Variants in TRPC3 observed in about 807,000 individuals in gnomAD.
TRPC3 encodes short transient receptor potential channel 3.
Under a neutral mutation model 90.9 loss-of-function variants are expected in TRPC3, and 54 were observed. The observed-to-expected ratio is 0.59, with a 90% confidence interval of 0.48 to 0.75. TRPC3 has a LOEUF of 0.75. Among genes scored for constraint, TRPC3 ranks in the 30% least tolerant of loss-of-function variants. The pLI is 0.00. For missense variants in TRPC3, 918 were observed against 1,194.5 expected (o/e 0.77, Z 3.41); for synonymous variants, 424 against 450.9 (o/e 0.94, Z 0.75).
rs1342941398 is a variant in TRPC3 at position 121,951,742 on chromosome 4, G to T, written c.-62C>A. On this transcript the variant is annotated 5_prime_UTR_variant, in exon 1 of 12. It adds an upstream start codon to the 5' untranslated region. Transcript: ENST00000379645. This position sits in a 1 kb window ranked among gnomAD's most constrained non-coding sequence, Gnocchi z 4.4. ...GCCGGCCTCCTCCGCCTTCGCGGCA[G>T]TGCAGTCTTCCCGCGGCGCCCCTTC... 78 of 1,248,876 alleles carry T rather than the reference G, an allele frequency of 6.2e-5. No individual in the cohort carries two copies. Among genetic ancestry groups the T allele is most frequent in the Non-Finnish European group, 7.9e-5 (77 of 977,722 alleles). The allele number at this position is 1,248,876 out of a possible 1,614,324, so 77.4% of individuals were successfully genotyped here.
intron 1 of TRPC3, among the ~76,000 whole-genome samples, chr4:121,945,157 C>T (rs941065214): frequency 6.6e-6 from 1 of 152,202 alleles, no homozygotes; most frequent in Non-Finnish European, 1.5e-5. Context: ...TTACTATCTA[C>T]TCCATGTGCT....
chr4:121,935,299 C>CCAAA (rs1560715569), intron 1 of TRPC3, among the ~76,000 whole-genome samples: 11 of 151,618 alleles, frequency 7.3e-5, no homozygotes, highest in African/African-American at 2.7e-4. Context: ...AATAAATGTG[C>CCAAA]TGTGTTTGGC....
chr4:121,901,478 T>C (rs1728695791), intron 9 of TRPC3, among the ~76,000 whole-genome samples: 1 of 152,240 alleles, frequency 6.6e-6, no homozygotes, highest in Non-Finnish European at 1.5e-5. Flanking sequence ...GGTCAGTTAA[T>C]GTGACCTTGC....
chr4:121,917,723 G>C lies in TRPC3; in HGVS notation c.1177-2779C>G, dbSNP rs568430223. ...ATATTTGGAGGATCTGCATTTGTGG[G>C]AAGTTAGACAGATATAAATAAAAGG... On this transcript the variant is annotated intron_variant, in intron 3 of 11. Coordinates refer to ENST00000379645, the MANE Select transcript of TRPC3 (RefSeq NM_001130698.2). 4.6e-5 allele frequency among the ~76,000 whole-genome samples: 7 copies of C among 152,202 alleles called. No individual in the cohort carries two copies. In the South Asian group the frequency reaches 1.2e-3, roughly 27 times the overall value.
intron 3 of TRPC3, among the ~76,000 whole-genome samples, chr4:121,921,113 G>T (rs541686920): frequency 6.6e-6 from 1 of 152,120 alleles, no homozygotes; most frequent in Non-Finnish European, 1.5e-5. Context: ...TAAGGCCTGT[G>T]TTGAACTCAT....
At chr4:121,944,416 G>A (rs976213410) in intron 1 of TRPC3, among the ~76,000 whole-genome samples, 2 of 138,044 alleles carry the variant, frequency 1.4e-5, no homozygotes, top group East Asian at 2.4e-4. Flanking sequence ...ACTGGGGGGT[G>A]GGGGGAGGGT....
Position 121,933,791 on chromosome 4 carries a change from G to A in TRPC3, c.216-749C>T, listed in dbSNP as rs182108695. 3.1e-3 allele frequency among the ~76,000 whole-genome samples: 477 copies of A among 151,884 alleles called. 4 individuals carry two copies. The highest frequency in any genetic ancestry group is 0.011 in the African/African-American group (451 of 41,402). Reference sequence around the variant, plus strand: ...TGCCCCCACACCCTCCACCTTATGCGTTTCTCTTAAGGGGATTCACCCATC... The same window carrying A: ...TGCCCCCACACCCTCCACCTTATGCATTTCTCTTAAGGGGATTCACCCATC... On this transcript the variant is annotated intron_variant, in intron 1 of 11. Coordinates refer to ENST00000379645, the MANE Select transcript of TRPC3 (RefSeq NM_001130698.2).
chr4:121,906,408 G>A (rs1728883532), intron 7 of TRPC3, among the ~76,000 whole-genome samples: 1 of 152,130 alleles, frequency 6.6e-6, no homozygotes, highest in Admixed American at 6.5e-5. Flanking sequence ...AGATCTCTTT[G>A]TAATTTCCCT....
chr4:121,908,070 C>T (rs1578621383), intron 6 of TRPC3, among the ~76,000 whole-genome samples: 2 of 152,028 alleles, frequency 1.3e-5, no homozygotes, highest in South Asian at 2.1e-4. Context: ...ATGGTGCTGA[C>T]GATGTGTTAT....
chr4:121,919,676 G>A (rs1244030548), intron 3 of TRPC3, among the ~76,000 whole-genome samples: 1 of 152,138 alleles, frequency 6.6e-6, no homozygotes, highest in Non-Finnish European at 1.5e-5. Flanking sequence ...CACAGAAAGT[G>A]GATACACAAT....
chr4:121,907,597 T>C lies in TRPC3; in HGVS notation c.1793-30A>G, dbSNP rs145337107. ...AAAAAAGAGAGAAAGAGATTAAAAA[T>C]GGAGCTTTCTATTCATTGCCAACTA... On this transcript the variant is annotated intron_variant, in intron 6 of 11. Transcript: ENST00000379645. 55 of 1,579,458 alleles carry C rather than the reference T, an allele frequency of 3.5e-5. No homozygotes were observed. In the East Asian group the frequency reaches 1.2e-3, roughly 34 times the overall value.
In TRPC3 at chr4:121,907,239, T is replaced by C. The variant is rs1453638604; in HGVS notation, c.2057+64A>G. ...ATTACAATCAGAGAAATTTTTCCTT[T>C]GCTTCCTCTAGATTGGTTAGAATTT... On this transcript the variant is annotated intron_variant, in intron 7 of 11. Coordinates refer to ENST00000379645, the MANE Select transcript of TRPC3 (RefSeq NM_001130698.2). 13 of 1,456,376 alleles carry C rather than the reference T, an allele frequency of 8.9e-6. No homozygotes were observed. The African/African-American group carries it at 1.9e-4, about 21-fold the overall frequency. 90.2% of individuals were successfully genotyped at this position (1,456,376 alleles called of 1,614,324 possible). A position where few individuals can be genotyped will look rare whatever the true frequency, so the allele number is the denominator to read the frequency against.
chr4:121,887,968 A>G (rs1186511122), intron 10 of TRPC3, among the ~76,000 whole-genome samples: 1 of 151,450 alleles, frequency 6.6e-6, no homozygotes, highest in Non-Finnish European at 1.5e-5. Context: ...ATTTTAATAT[A>G]AATACCACTA....
chr4:121,907,362 A>C lies in TRPC3; in HGVS notation c.1998T>G (p.Ile666Met). The change falls in exon 7 of 12, where the codon ATT (isoleucine) becomes ATG (methionine). Residue 666 changes from isoleucine to methionine, a missense_variant. Around this residue, in one of 4 missense-constraint regions of TRPC3, gnomAD observed 147 missense variants for 263.5 expected, o/e 0.56. Transcript: ENST00000379645. ...LFIMVFFAFM[I>M]GMFILYSYYL... ...AGTAAGAATAAAGTATGAACATGCC[A>C]ATCATAAAGGCAAAAAACACCATAA... The C allele has an allele frequency of 1.2e-6, 2 of 1,613,356 alleles. No individual in the cohort carries two copies. Among genetic ancestry groups the C allele is most frequent in the Non-Finnish European group, 1.7e-6 (2 of 1,179,456 alleles).
intron 10 of TRPC3, among the ~76,000 whole-genome samples, chr4:121,897,453 CAAAAAAAAAAAAAAAAAAAAAAAAAAAA>C (rs70950860): frequency 6.9e-5 from 3 of 43,434 alleles, no homozygotes; most frequent in Admixed American, 3.6e-4. Flanking sequence ...ATCTCAACAG[CAAAAAAAAAAAAAAAAAAAAAAAAAAAA>C]AAAAAAAAAA....
At chr4:121,897,453 C>CAAAAAAAAAAAAAAAAAAAAAAAAAAA (rs70950860) in intron 10 of TRPC3, among the ~76,000 whole-genome samples, 1 of 43,434 alleles carries the variant, frequency 2.3e-5, no homozygotes, top group Non-Finnish European at 4.0e-5. Context: ...ATCTCAACAG[C>CAAAAAAAAAAAAAAAAAAAAAAAAAAA]AAAAAAAAAA....
chr4:121,943,890 T>C (rs1342843645), intron 1 of TRPC3, among the ~76,000 whole-genome samples: 1 of 149,428 alleles, frequency 6.7e-6, no homozygotes, highest in Non-Finnish European at 1.5e-5. Context: ...CACCTATTAT[T>C]TGAACAGTGC....
At chr4:121,886,675 C>T (rs1330129677) in intron 10 of TRPC3, among the ~76,000 whole-genome samples, 2 of 152,084 alleles carry the variant, frequency 1.3e-5, no homozygotes, top group Non-Finnish European at 2.9e-5. Context: ...ACTTGATTGA[C>T]TTTTACCTGT....
intron 1 of TRPC3, among the ~76,000 whole-genome samples, chr4:121,936,124 T>A (rs979021107): frequency 6.6e-6 from 1 of 152,240 alleles, no homozygotes; most frequent in Admixed American, 6.5e-5. Context: ...TTAATATCAC[T>A]CATCTTATGA....
Sources: allele counts gnomAD v4.1 joint callset (sites outside exome capture counted in the v4.1 genomes callset), GRCh38; gene constraint gnomAD v4.1.1; regional missense constraint gnomAD v4.1.1; non-coding constraint Gnocchi (gnomAD v3.1); transcripts MANE v1.5; gene names NCBI Gene and HGNC (gene_info 2026-07-23, HGNC 2026-07-21).